NDRG3: variants seen among roughly 807,000 people sequenced by gnomAD.
NDRG3 encodes protein NDRG3.
Under a neutral mutation model 57.2 loss-of-function variants are expected in NDRG3, and 23 were observed. The observed-to-expected ratio is 0.40, with a 90% CI of 0.29 to 0.57. The LOEUF is 0.57. Ranked by LOEUF, NDRG3 falls within the 20% of genes least tolerant of loss-of-function variation. The pLI is 0.42. For missense variants in NDRG3, 384 were observed against 457.3 expected (o/e 0.84, Z 1.46); for synonymous variants, 132 against 162.6 (o/e 0.81, Z 1.43).
intron 3 of NDRG3, among the ~76,000 whole-genome samples, chr20:36,693,072 CAAAAAAAAAAAAAAAA>C (rs1166724972): frequency 4.7e-3 from 21 of 4,512 alleles, no homozygotes; most frequent in Non-Finnish European, 7.5e-3. Context: ...GACCCTGTCT[CAAAAAAAAAAAAAAAA>C]AAAAAAAAAA....
Position 36,656,394 on chromosome 20 carries a change from C to T in NDRG3, c.912G>A (p.Glu304=), listed in dbSNP as rs368271190. The T allele has an allele frequency of 1.9e-5, 30 of 1,614,120 alleles. No individual in the cohort carries two copies. Among genetic ancestry groups the T allele is most frequent in the Middle Eastern group, 1.6e-4 (1 of 6,062 alleles). The stretch of plus-strand genomic sequence containing the variant: ...TTCCCTGCAAAAAGTACTTGAAGGC[C>T]TCGGTGAGCTTCCCAGGCTGGGGGG... The part of the protein sequence containing the change: ...PQVVQPGKLT[E]AFKYFLQGMG... Residue 304 remains glutamate (E), a synonymous_variant, in exon 15 of 16, where the codon GAG becomes GAA. Transcript: ENST00000349004.
chr20:36,726,824 A>C (rs1377948625), intron 1 of NDRG3, among the ~76,000 whole-genome samples: 3 of 152,282 alleles, frequency 2.0e-5, no homozygotes, highest in Middle Eastern at 3.4e-3. Context: ...GGAAAGGAGA[A>C]AAGGTGGCTA....
chr20:36,723,205 C>A (rs1158458122), intron 1 of NDRG3, among the ~76,000 whole-genome samples: 1 of 152,156 alleles, frequency 6.6e-6, no homozygotes, highest in Non-Finnish European at 1.5e-5. Context: ...TTAGAGTGAT[C>A]TATAGCAATA....
Position 36,656,505 on chromosome 20 carries a change from C to G in NDRG3, c.886G>C (p.Val296Leu). Reference sequence around the variant, plus strand: ...AAAAAAATTCTCCTTACCTGAACTACCTGGGGCAGTCCCCCACAGTCCGCC... The same window carrying G: ...AAAAAAATTCTCCTTACCTGAACTAGCTGGGGCAGTCCCCCACAGTCCGCC... The part of the protein sequence containing the change: ...KMADCGGLPQ[V>L]VQPGKLTEAF... The change falls in exon 14 of 16, where the codon GTA becomes CTA. Residue 296 changes from valine (V) to leucine (L), a missense_variant. Coordinates refer to ENST00000349004, the MANE Select transcript of NDRG3 (RefSeq NM_032013.4). 6.2e-7 allele frequency: 1 copy of G among 1,614,112 alleles called. No homozygotes were observed. The highest frequency in any genetic ancestry group is 1.7e-5 in the Admixed American group (1 of 60,006).
At chr20:36,735,722 A>G (rs1985570196) in intron 1 of NDRG3, among the ~76,000 whole-genome samples, 2 of 152,220 alleles carry the variant, frequency 1.3e-5, no homozygotes, top group Admixed American at 6.5e-5. Context: ...ACACTCAGGC[A>G]GGGCACCTGT....
intron 2 of NDRG3, among the ~76,000 whole-genome samples, chr20:36,715,099 A>G (rs1028296019): frequency 9.1e-5 from 13 of 143,544 alleles, no homozygotes; most frequent in Admixed American, 1.4e-4. Context: ...AAAATATACT[A>G]AGAAACAGAC....
At chr20:36,709,728 T>A (rs558761226) in intron 2 of NDRG3, among the ~76,000 whole-genome samples, 1 of 152,174 alleles carries the variant, frequency 6.6e-6, no homozygotes, top group Non-Finnish European at 1.5e-5. Context: ...GGATAGATGG[T>A]TTTTGTAGGA....
At chr20:36,682,618 C>T (rs376123556) in intron 6 of NDRG3, 40 bp from the exon 7 acceptor site, 100 of 1,542,846 alleles carry the variant, frequency 6.5e-5, no homozygotes, top group Non-Finnish European at 8.5e-5. Context: ...GAGTCAACTT[C>T]ATTTGCAGGC....
Position 36,693,135 on chromosome 20 carries a change from T to C in NDRG3, c.94-4351A>G, listed in dbSNP as rs1568647118. Among the ~76,000 whole-genome samples, 14 of 64,408 alleles carry C rather than the reference T, an allele frequency of 2.2e-4. 1 individual carries two copies. In the South Asian group the frequency reaches 7.4e-3, roughly 34 times the overall value. The allele number at this position is 64,408 out of a possible 152,430, so 42.3% of individuals were successfully genotyped here. ...ATATATATATATATATATATATATATATATATACACACACACACATATACA... is the reference window on the plus strand; with the variant it reads ...ATATATATATATATATATATATATACATATATACACACACACACATATACA... On this transcript the variant is annotated intron_variant, in intron 3 of 15. Transcript: ENST00000349004.
intron 3 of NDRG3, among the ~76,000 whole-genome samples, chr20:36,703,786 A>G (rs967970639): frequency 2.6e-5 from 4 of 152,164 alleles, no homozygotes; most frequent in African/African-American, 9.7e-5. Flanking sequence ...TAAAAGTTCT[A>G]TTTCACAAGG....
intron 1 of NDRG3, among the ~76,000 whole-genome samples, chr20:36,730,058 C>G (rs56237938): frequency 2.0e-5 from 3 of 151,412 alleles, no homozygotes; most frequent in Admixed American, 2.0e-4. Context: ...ACCAGCCTGG[C>G]CAACGTGGTG....
At chr20:36,712,121 G>T (rs1438235255) in intron 2 of NDRG3, among the ~76,000 whole-genome samples, 1 of 150,236 alleles carries the variant, frequency 6.7e-6, no homozygotes, top group African/African-American at 2.4e-5. Flanking sequence ...GTTTTTTTTT[G>T]AGAGCGATCC....
At position 36,743,828 on chromosome 20, in the gene NDRG3, CAAAAACAAACA is replaced by C. The variant is rs371134590; in HGVS notation, c.-49+2206_-49+2216del. On this transcript the variant is annotated intron_variant, in intron 1 of 15. Coordinates refer to ENST00000349004, the MANE Select transcript of NDRG3 (RefSeq NM_032013.4). The stretch of plus-strand genomic sequence containing the variant: ...GCGAGACTCCGTCTCAAAAAACAAA[CAAAAACAAACA>C]AAAAACAAACAAAAAACAAAAGCAG... 1.6e-3 allele frequency among the ~76,000 whole-genome samples: 239 copies of C among 147,860 alleles called. 4 individuals are homozygous for C. The East Asian group carries it at 0.032, about 20-fold the overall frequency.
rs775381613 is a variant in NDRG3 at position 36,653,666 on chromosome 20, G to C, written c.982C>G (p.Arg328Gly). Residue 328 changes from arginine to glycine, a missense_variant, in exon 16 of 16, where the codon CGA becomes GGA. Physicochemically the swap from Arg to Gly is moderately radical, Grantham distance 125. Transcript: ENST00000349004. The surrounding 1 kb of genome is among the most constrained non-coding windows in gnomAD (Gnocchi z 4.2). ...AGGCTACTCGAGGTTGAGTGGGTTC[G>C]TGATCGGGCGAGCCGAGTCATGCTG... ...SASMTRLARS[R>G]THSTSSSLGS... is the part of the protein sequence containing the mutation. 4 of 1,613,974 alleles carry C rather than the reference G, an allele frequency of 2.5e-6. No homozygotes were observed. The Admixed American group carries it at 6.7e-5, about 27-fold the overall frequency.
chr20:36,733,166 AAAAAAATATATAT>A (rs1325316406), intron 1 of NDRG3, among the ~76,000 whole-genome samples: 1 of 77,688 alleles, frequency 1.3e-5, no homozygotes, highest in African/African-American at 5.3e-5. Context: ...AAAAAAAAAA[AAAAAAATATATAT>A]ATATATATAT....
chr20:36,673,530 C>T (rs1239100873), intron 8 of NDRG3, among the ~76,000 whole-genome samples: 1 of 152,016 alleles, frequency 6.6e-6, no homozygotes, highest in Non-Finnish European at 1.5e-5. Context: ...CCTCAGCTCC[C>T]GAGTAGCTGG....
chr20:36,658,421 A>C (rs1252576400), intron 13 of NDRG3, among the ~76,000 whole-genome samples: 2 of 152,142 alleles, frequency 1.3e-5, no homozygotes, highest in African/African-American at 4.8e-5. Context: ...GCCCCTCCCC[A>C]AAATTTTTAG....
chr20:36,661,521 T>A (rs1240652837), intron 12 of NDRG3, among the ~76,000 whole-genome samples: 2 of 152,054 alleles, frequency 1.3e-5, no homozygotes, highest in Non-Finnish European at 2.9e-5. Flanking sequence ...CTGAGCTGAG[T>A]GAACACAGAA....
At chr20:36,723,441 GAA>G (rs1197501108) in intron 1 of NDRG3, among the ~76,000 whole-genome samples, 1 of 152,002 alleles carries the variant, frequency 6.6e-6, no homozygotes, top group Non-Finnish European at 1.5e-5. Context: ...ATCAAGTCAG[GAA>G]AAATGTTAAT....
Sources: allele counts gnomAD v4.1 joint callset (sites outside exome capture counted in the v4.1 genomes callset), GRCh38; gene constraint gnomAD v4.1.1; non-coding constraint Gnocchi (gnomAD v3.1); transcripts MANE v1.5; gene names NCBI Gene and HGNC (gene_info 2026-07-23, HGNC 2026-07-21).